Variants in EP400 observed in about 807,000 individuals in gnomAD.
EP400 encodes E1A-binding protein p400.
A neutral mutation model predicts 354.1 loss-of-function variants in EP400; 105 were observed. That is an observed-to-expected ratio of 0.30 (90% CI 0.25 to 0.35). The LOEUF is 0.35. EP400 is among the 10% of genes least tolerant of loss of function. EP400 has a pLI of 1.00. For missense variants in EP400, 3,280 were observed against 4,121.0 expected (o/e 0.80, Z 5.59); for synonymous variants, 1,646 against 1,716.9 (o/e 0.96, Z 1.02).
Position 131,959,942 on chromosome 12 carries a change from G to A in EP400, c.-35-643G>A, listed in dbSNP as rs558344748. ...TCTTTGAATTGGATTTACAAGAGGAGAGTTTGCAGTTGAGGTAGTCCTGGA... is the reference window on the plus strand; with the variant it reads ...TCTTTGAATTGGATTTACAAGAGGAAAGTTTGCAGTTGAGGTAGTCCTGGA... On this transcript the variant is annotated intron_variant, in intron 1 of 52. Coordinates refer to ENST00000389561, the MANE Select transcript of EP400 (RefSeq NM_015409.5). 4.6e-5 allele frequency among the ~76,000 whole-genome samples: 7 copies of A among 152,344 alleles called. No individual in the cohort carries two copies. In the South Asian group the frequency reaches 1.0e-3, roughly 23 times the overall value.
At position 131,990,126 on chromosome 12, in the gene EP400, G is replaced by T; in HGVS notation, c.2550+22G>T. On this transcript the variant is annotated intron_variant, in intron 8 of 52. Coordinates refer to ENST00000389561, the MANE Select transcript of EP400 (RefSeq NM_015409.5). The surrounding 1 kb of genome is among the most constrained non-coding windows in gnomAD (Gnocchi z 4.2). ...ACAGGCGAGTGCTGCCGTTGTCATG[G>T]GGTCGTAAGAATCAGTCTGTCGGAG... 6.3e-7 allele frequency: 1 copy of T among 1,586,720 alleles called. No homozygotes were observed. The highest frequency in any genetic ancestry group is 1.1e-5 in the South Asian group (1 of 87,608).
At chr12:132,014,086 C>CTG (rs1356508123) in intron 19 of EP400, among the ~76,000 whole-genome samples, 173 bp downstream of exon 19, 3 of 152,250 alleles carry the variant, frequency 2.0e-5, no homozygotes, top group African/African-American at 7.2e-5. Flanking sequence ...GTGTTTCCAG[C>CTG]TGTTTCAGGC....
In EP400 at chr12:132,053,431, C is replaced by T. The variant is rs773517443; in HGVS notation, c.7562C>T (p.Pro2521Leu). The T allele has an allele frequency of 3.3e-6, 5 of 1,523,668 alleles. No individual in the cohort carries two copies. The African/African-American group carries it at 4.2e-5, about 13-fold the overall frequency. 94.4% of individuals were successfully genotyped at this position (1,523,668 alleles called of 1,614,324 possible). A position where few individuals can be genotyped will look rare whatever the true frequency, so the allele number is the denominator to read the frequency against. Reference sequence around the variant, plus strand: ...CAGCCCCCACCACCCCCGCAGCAGCCACCGCCACCGCTGCCACAACCACAG... The same window carrying T: ...CAGCCCCCACCACCCCCGCAGCAGCTACCGCCACCGCTGCCACAACCACAG... ...QPQPPPPPQQ[P>L]PPPLPQPQAA... The change falls in exon 43 of 53, where the codon CCA becomes CTA. Residue 2521 changes from proline (P) to leucine (L), a missense_variant. Coordinates refer to ENST00000389561, the MANE Select transcript of EP400 (RefSeq NM_015409.5).
At chr12:131,995,148 C>G (rs1893161111) in intron 12 of EP400, 192 bp downstream of exon 12, 1 of 521,290 alleles carries the variant, frequency 1.9e-6, no homozygotes, top group Non-Finnish European at 3.5e-6. Context: ...GTGTCGGACA[C>G]TGCCCTGACT....
chr12:131,977,179 C>G (rs1892510486), intron 2 of EP400, among the ~76,000 whole-genome samples: 1 of 152,174 alleles, frequency 6.6e-6, no homozygotes, highest in Non-Finnish European at 1.5e-5. Context: ...CTCTTTCACC[C>G]AGGTTGGAGT....
At chr12:132,033,068 C>G (rs1263298623) in intron 30 of EP400, among the ~76,000 whole-genome samples, 1 of 152,128 alleles carries the variant, frequency 6.6e-6, no homozygotes, top group South Asian at 2.1e-4. Flanking sequence ...CCGCCTCAGC[C>G]CCCCGAGGAG....
chr12:132,066,990 T>TC, intron 49 of EP400, 21 bp downstream of exon 49: 2 of 1,560,904 alleles, frequency 1.3e-6, no homozygotes, highest in Non-Finnish European at 1.7e-6. Flanking sequence ...CAGCACACCC[T>TC]CCCGTCCTGG....
chr12:131,982,260 C>A lies in EP400; in HGVS notation c.1711C>A (p.Leu571Ile). 6.2e-7 allele frequency: 1 copy of A among 1,614,200 alleles called. No homozygotes were observed. ...LPPAGVPTAA[L>I]SSALQFAQQP... The stretch of plus-strand genomic sequence containing the variant: ...CCCAGCCGGTGTTCCCACTGCAGCC[C>A]TCTCCTCTGCGCTGCAGTTTGCACA... Residue 571 changes from leucine (L) to isoleucine (I), a missense_variant, in exon 5 of 53, where the codon CTC (leucine) becomes ATC (isoleucine). Leu to Ile is a conservative substitution (Grantham distance 5). Transcript: ENST00000389561.
At position 132,044,485 on chromosome 12, in the gene EP400, A is replaced by C. The variant is rs545147527; in HGVS notation, c.6585+174A>C. 1.4e-4 allele frequency among the ~76,000 whole-genome samples: 22 copies of C among 152,366 alleles called. No homozygotes were observed. In the South Asian group the frequency reaches 4.3e-3, roughly 30 times the overall value. On this transcript the variant is annotated intron_variant, in intron 35 of 52. Coordinates refer to ENST00000389561, the MANE Select transcript of EP400 (RefSeq NM_015409.5). ...TTCTAAAAACACAATTTTCTTAAAA[A>C]TTGACACTTGGAGATTGTCAGTTAG... is the stretch of plus-strand genomic sequence containing the variant.
rs1593341046 is a variant in EP400, at chr12:132,005,973, G to A, written c.2936-139G>A. The stretch of plus-strand genomic sequence containing the variant: ...CCAGGTAGCATTGTTAGATATTTTG[G>A]ATTACAAATAAAAAATTATTGCCTA... On this transcript the variant is annotated intron_variant, in intron 13 of 52. Coordinates refer to ENST00000389561, the MANE Select transcript of EP400 (RefSeq NM_015409.5). The A allele has an allele frequency of 5.1e-6, 4 of 780,412 alleles. No homozygotes were observed. The East Asian group carries it at 1.1e-4, about 22-fold the overall frequency. 48.3% of individuals were successfully genotyped at this position (780,412 alleles called of 1,614,324 possible).
Position 132,045,161 on chromosome 12 carries a change from C to A in EP400, c.6785-158C>A, listed in dbSNP as rs1161612811. Reference sequence around the variant, plus strand: ...ACCTTCGTGTTTCATTCTAATTGACCATGAAGGCCCGAAAGCAGGTCTGTC... The same window carrying A: ...ACCTTCGTGTTTCATTCTAATTGACAATGAAGGCCCGAAAGCAGGTCTGTC... On this transcript the variant is annotated intron_variant, in intron 37 of 52. Coordinates refer to ENST00000389561, the MANE Select transcript of EP400 (RefSeq NM_015409.5). 2.0e-5 allele frequency among the ~76,000 whole-genome samples: 3 copies of A among 150,950 alleles called. No individual in the cohort carries two copies. In the East Asian group the frequency reaches 5.8e-4, roughly 29 times the overall value.
At chr12:131,955,216 T>C (rs1891655453) in intron 1 of EP400, among the ~76,000 whole-genome samples, 1 of 152,236 alleles carries the variant, frequency 6.6e-6, no homozygotes, top group African/African-American at 2.4e-5. Context: ...TTCTCTAATG[T>C]GGCTATAACA....
intron 51 of EP400, among the ~76,000 whole-genome samples, chr12:132,074,860 C>T (rs1222552211): frequency 6.6e-6 from 1 of 152,154 alleles, no homozygotes; most frequent in African/African-American, 2.4e-5. Context: ...CCAGGCCTCG[C>T]AGAGTGAGTG....
At chr12:131,954,726 G>GAAAAAAAAAA (rs35935376) in intron 1 of EP400, among the ~76,000 whole-genome samples, 1 of 83,736 alleles carries the variant, frequency 1.2e-5, no homozygotes, top group Non-Finnish European at 2.1e-5. Flanking sequence ...CTCCATCTCA[G>GAAAAAAAAAA]AAAAAAAAAA....
At chr12:132,005,868 T>A (rs1944275215) in intron 13 of EP400, among the ~76,000 whole-genome samples, 1 of 152,194 alleles carries the variant, frequency 6.6e-6, no homozygotes, top group Non-Finnish European at 1.5e-5. Context: ...GCCAGACTAT[T>A]TGGGGCAAAT....
intron 34 of EP400, among the ~76,000 whole-genome samples, chr12:132,043,954 G>A (rs1430758531): frequency 1.3e-5 from 2 of 152,220 alleles, no homozygotes; most frequent in Non-Finnish European, 2.9e-5. Flanking sequence ...CGTAGGGACC[G>A]TGGAGCTTGT....
chr12:131,996,439 C>G (rs1893220164), intron 12 of EP400, among the ~76,000 whole-genome samples: 1 of 151,742 alleles, frequency 6.6e-6, no homozygotes, highest in Admixed American at 6.6e-5. Flanking sequence ...CTACAGCCGC[C>G]CGCCACCACG....
At chr12:132,071,439 GA>G (rs1896065145) in intron 51 of EP400, among the ~76,000 whole-genome samples, 1 of 152,118 alleles carries the variant, frequency 6.6e-6, no homozygotes, top group South Asian at 2.1e-4. Flanking sequence ...TCCGGCTCAG[GA>G]AGGGCAGCTG....
intron 15 of EP400, among the ~76,000 whole-genome samples, chr12:132,010,689 C>A (rs937316602): frequency 5.9e-5 from 9 of 152,208 alleles, no homozygotes; most frequent in African/African-American, 2.2e-4. Flanking sequence ...TGCCTCTAAT[C>A]CCAGCACGTT....
Sources: gnomAD v4.1 joint callset for allele counts (sites outside exome capture counted in the v4.1 genomes callset) on GRCh38, gnomAD v4.1.1 for gene constraint, Gnocchi (gnomAD v3.1) non-coding constraint, MANE v1.5 for transcripts, NCBI Gene and HGNC (gene_info 2026-07-23, HGNC 2026-07-21) for gene names.